CRB1: variants seen among roughly 807,000 people sequenced by gnomAD.
The protein encoded by CRB1 is crumbs cell polarity complex component 1.
Under a neutral mutation model 120.0 loss-of-function variants are expected in CRB1, and 83 were observed. That is an observed-to-expected ratio of 0.69 (90% CI 0.58 to 0.83). The LOEUF (loss-of-function observed/expected upper bound fraction) is 0.83, where lower values mean the gene tolerates loss of function less well. Ranked by LOEUF, CRB1 falls within the 40% of genes least tolerant of loss-of-function variation. The pLI, the probability that CRB1 is intolerant of heterozygous loss-of-function variation, is 0.00. For missense variants in CRB1, 1,699 were observed against 1,687.6 expected (o/e 1.01, Z -0.12); for synonymous variants, 625 against 612.5 (o/e 1.02, Z -0.30).
intron 11 of CRB1, among the ~76,000 whole-genome samples, chr1:197,469,064 C>T (rs1666869791): frequency 6.6e-6 from 1 of 152,032 alleles, no homozygotes; most frequent in African/African-American, 2.4e-5. Context: ...AGAGCCTCAA[C>T]TTAAAAATTG....
the CRB1 span, among the ~76,000 whole-genome samples, chr1:197,210,958 A>G: frequency 2.0e-5 from 3 of 152,206 alleles, no homozygotes; most frequent in African/African-American, 4.8e-5. Context: ...TCATTTATTC[A>G]ATAGAATATA....
intron 1 of CRB1, among the ~76,000 whole-genome samples, chr1:197,315,683 C>T (rs1657797413): frequency 6.6e-6 from 1 of 152,196 alleles, no homozygotes; most frequent in African/African-American, 2.4e-5. Flanking sequence ...TTTGTTTAGA[C>T]TTTCCCAAAT....
rs565815985 is a variant in CRB1, at chr1:197,461,260, A to G, written c.4006-16404A>G. Among the ~76,000 whole-genome samples, 5 of 152,284 alleles carry G rather than the reference A, an allele frequency of 3.3e-5. No homozygotes were observed. In the East Asian group the frequency reaches 9.6e-4, roughly 29 times the overall value. On this transcript the variant is annotated intron_variant, in intron 11 of 11. Transcript: ENST00000367400. The stretch of plus-strand genomic sequence containing the variant: ...ATTGTGAGGTGAGCTGAAGAGGATC[A>G]GCTTCTGTGTGTAATTGTGCATGAT...
At position 197,477,788 on chromosome 1, in the gene CRB1, G is replaced by A. The variant is rs1052327653; in HGVS notation, c.4130G>A (p.Gly1377Glu). ...ACCTCCAACAAAAGGGCAACTCAGG[G>A]AACCTACAGCCCCAGCCGTCAGGAG... is the stretch of plus-strand genomic sequence containing the variant. ...VVTSNKRATQ[G>E]TYSPSRQEKE... The change falls in exon 12 of 12, where the codon GGA becomes GAA. Residue 1377 changes from glycine (G) to glutamate (E), a missense_variant. Physicochemically the swap from Gly to Glu is moderately conservative, Grantham distance 98. Transcript: ENST00000367400. 6.2e-7 allele frequency: 1 copy of A among 1,613,864 alleles called. No individual in the cohort carries two copies. Among genetic ancestry groups the A allele is most frequent in the African/African-American group, 1.3e-5 (1 of 74,998 alleles).
At chr1:197,302,133 T>C (rs1656901057) in intron 1 of CRB1, among the ~76,000 whole-genome samples, 2 of 152,204 alleles carry the variant, frequency 1.3e-5, no homozygotes, top group Admixed American at 1.3e-4. Flanking sequence ...ATTATTGTTT[T>C]GTTTTAAGAA....
chr1:197,336,255 C>T (rs368074022), intron 2 of CRB1, among the ~76,000 whole-genome samples: 4 of 152,126 alleles, frequency 2.6e-5, no homozygotes, highest in Non-Finnish European at 4.4e-5. Flanking sequence ...AGACATAATT[C>T]GAATTTCAGT....
At chr1:197,228,864 G>C in the CRB1 span, among the ~76,000 whole-genome samples, 2 of 152,170 alleles carry the variant, frequency 1.3e-5, no homozygotes, top group Non-Finnish European at 2.9e-5. Context: ...GAAGTGAAAG[G>C]CACTTTTTAC....
the CRB1 span, among the ~76,000 whole-genome samples, chr1:197,221,060 G>T: frequency 6.6e-6 from 1 of 152,126 alleles, no homozygotes; most frequent in Non-Finnish European, 1.5e-5. Context: ...AACATAAAAA[G>T]GTAGTCACAG....
chr1:197,273,476 C>A (rs1655018413), intron 1 of CRB1, among the ~76,000 whole-genome samples: 1 of 152,134 alleles, frequency 6.6e-6, no homozygotes, highest in Non-Finnish European at 1.5e-5. Flanking sequence ...AAGGAAGTCA[C>A]TGTGTGTAAC....
At chr1:197,223,277 G>T in the CRB1 span, 1 of 872,996 alleles carries the variant, frequency 1.1e-6, no homozygotes, top group South Asian at 1.4e-5. Context: ...GCCAGAATTA[G>T]AAAAGGGGTT....
At chr1:197,470,774 C>G (rs1308019636) in intron 11 of CRB1, among the ~76,000 whole-genome samples, 1 of 152,218 alleles carries the variant, frequency 6.6e-6, no homozygotes, top group African/African-American at 2.4e-5. Flanking sequence ...TATGATGGCT[C>G]CTGCCAGGGA....
chr1:197,333,236 G>C (rs759437128), intron 2 of CRB1, among the ~76,000 whole-genome samples: 15 of 152,200 alleles, frequency 9.9e-5, no homozygotes, highest in Non-Finnish European at 2.2e-4. Flanking sequence ...ACTCCATTAT[G>C]CTTCATGGGC....
At chr1:197,453,576 G>GGAGA (rs71131760) in intron 11 of CRB1, among the ~76,000 whole-genome samples, 26 of 118,528 alleles carry the variant, frequency 2.2e-4, no homozygotes, top group Non-Finnish European at 3.1e-4. Context: ...AGAGGGAGAG[G>GGAGA]GAGAGAGAGA....
intron 5 of CRB1, among the ~76,000 whole-genome samples, chr1:197,371,575 T>C (rs527282782): frequency 3.3e-5 from 5 of 152,298 alleles, no homozygotes; most frequent in African/African-American, 1.2e-4. Flanking sequence ...TTATCCTTTT[T>C]ACAAGCTCAT....
intron 4 of CRB1, among the ~76,000 whole-genome samples, chr1:197,350,320 C>T (rs1419264200): frequency 6.6e-6 from 1 of 152,112 alleles, no homozygotes; most frequent in African/African-American, 2.4e-5. Flanking sequence ...GATAAAAATA[C>T]TTTACTTGTA....
intron 1 of CRB1, among the ~76,000 whole-genome samples, chr1:197,280,657 G>C (rs1476111341): frequency 6.6e-6 from 1 of 151,876 alleles, no homozygotes; most frequent in Non-Finnish European, 1.5e-5. Context: ...CTAGGTTACA[G>C]ATTGTCACAA....
intron 5 of CRB1, among the ~76,000 whole-genome samples, chr1:197,397,914 C>T (rs760142276): frequency 6.6e-6 from 1 of 151,970 alleles, no homozygotes; most frequent in Non-Finnish European, 1.5e-5. Context: ...CTTTGTACAC[C>T]TAACATGATG....
the CRB1 span, among the ~76,000 whole-genome samples, chr1:197,212,560 A>G: frequency 1.3e-5 from 2 of 152,208 alleles, no homozygotes; most frequent in Non-Finnish European, 2.9e-5. Context: ...GCAAGTTATT[A>G]TAACAGAAAG....
intron 1 of CRB1, among the ~76,000 whole-genome samples, chr1:197,273,828 C>A (rs1655040210): frequency 6.6e-6 from 1 of 151,958 alleles, no homozygotes; most frequent in African/African-American, 2.4e-5. Context: ...TCAGACTGAT[C>A]TTGTGTATTT....
Sources: gnomAD v4.1 joint callset for allele counts (sites outside exome capture counted in the v4.1 genomes callset) on GRCh38, gnomAD v4.1.1 for gene constraint, MANE v1.5 for transcripts, NCBI Gene and HGNC (gene_info 2026-07-23, HGNC 2026-07-21) for gene names.